The following KIF21A variants were observed in gnomAD, a reference collection of about 807,000 sequenced individuals.
The protein encoded by KIF21A is kinesin family member 21A.
KIF21A carries 114 observed loss-of-function variants against 202.9 expected under a neutral mutation model. The observed-to-expected ratio is 0.56, with a 90% confidence interval of 0.48 to 0.66. The LOEUF (loss-of-function observed/expected upper bound fraction) is 0.66. Among genes scored for constraint, KIF21A ranks in the 30% least tolerant of loss-of-function variants. The probability of loss-of-function intolerance (pLI) is 0.00; values close to 1 mark genes in which losing one functional copy is unlikely to be tolerated. For missense variants in KIF21A, 1,677 were observed against 1,994.9 expected (o/e 0.84, Z 3.04); for synonymous variants, 667 against 670.8 (o/e 0.99, Z 0.09).
At chr12:39,366,919 A>G (rs997434152) in intron 5 of KIF21A, 111 bp downstream of exon 5, 3 of 1,060,142 alleles carry the variant, frequency 2.8e-6, no homozygotes, top group Non-Finnish European at 4.3e-6. Flanking sequence ...GGAAATTAGA[A>G]AAAGGAATGA....
chr12:39,360,820 A>G (rs1409711041), intron 7 of KIF21A, among the ~76,000 whole-genome samples: 2 of 152,258 alleles, frequency 1.3e-5, no homozygotes, highest in African/African-American at 4.8e-5. Flanking sequence ...TTTAAAAGAC[A>G]CTAAATTATG....
At chr12:39,366,130 T>C (rs1377171820) in intron 6 of KIF21A, among the ~76,000 whole-genome samples, 1 of 152,218 alleles carries the variant, frequency 6.6e-6, no homozygotes, top group Non-Finnish European at 1.5e-5. Flanking sequence ...TTAGTACGAC[T>C]AAATTTATAC....
intron 6 of KIF21A, among the ~76,000 whole-genome samples, chr12:39,364,492 C>T (rs1949467728): frequency 6.6e-6 from 1 of 152,238 alleles, no homozygotes; most frequent in African/African-American, 2.4e-5. Flanking sequence ...ATACAACATT[C>T]ACCCACATGT....
intron 1 of KIF21A, among the ~76,000 whole-genome samples, chr12:39,404,328 C>T (rs1337889884): frequency 6.6e-6 from 1 of 152,142 alleles, no homozygotes; most frequent in Non-Finnish European, 1.5e-5. Context: ...ACTACCTTTT[C>T]CAACTGACCT....
intron 1 of KIF21A, among the ~76,000 whole-genome samples, chr12:39,435,487 T>G (rs1051677255): frequency 2.0e-5 from 3 of 152,028 alleles, no homozygotes; most frequent in East Asian, 1.9e-4. Flanking sequence ...AGGATGCTTT[T>G]GGGGTGACAG....
At chr12:39,402,589 G>T (rs1289816053) in intron 1 of KIF21A, among the ~76,000 whole-genome samples, 3 of 152,006 alleles carry the variant, frequency 2.0e-5, no homozygotes, top group Non-Finnish European at 4.4e-5. Flanking sequence ...AATAAGAGGA[G>T]CCCCTTTCTC....
intron 28 of KIF21A, among the ~76,000 whole-genome samples, chr12:39,319,264 G>C (rs1944935762): frequency 6.6e-6 from 1 of 152,184 alleles, no homozygotes; most frequent in Non-Finnish European, 1.5e-5. Flanking sequence ...AACTGAGGGA[G>C]GGGTGGCAGG....
rs1478935702 is a variant in KIF21A at position 39,442,912 on chromosome 12, G to C, written c.44+15C>G. On this transcript the variant is annotated intron_variant, in intron 1 of 37. Coordinates refer to ENST00000361418, the MANE Select transcript of KIF21A (RefSeq NM_001173464.2). This position sits in a 1 kb window ranked among gnomAD's most constrained non-coding sequence, Gnocchi z 5.0. ...ACCCGCCGCCCGCCGCCCGCCGCCG[G>C]CAGACTGTCCTCACCTGACAGCCAC... 1 of 1,523,948 alleles carries C rather than the reference G, an allele frequency of 6.6e-7. No homozygotes were observed. Among genetic ancestry groups the C allele is most frequent in the Non-Finnish European group, 8.8e-7 (1 of 1,142,426 alleles). The allele number at this position is 1,523,948 out of a possible 1,614,324, so 94.4% of individuals were successfully genotyped here. A position where few individuals can be genotyped will look rare whatever the true frequency, so the allele number is the denominator to read the frequency against.
At chr12:39,417,877 C>A (rs1953905734) in intron 1 of KIF21A, among the ~76,000 whole-genome samples, 1 of 151,974 alleles carries the variant, frequency 6.6e-6, no homozygotes, top group South Asian at 2.1e-4. Context: ...CCAATTTGGT[C>A]CAACTTCTGG....
rs1007598201 is a variant in KIF21A at position 39,357,449 on chromosome 12, AAAT to A, written c.1216-15_1216-13del. 6.2e-7 allele frequency: 1 copy of A among 1,608,764 alleles called. No homozygotes were observed. The highest frequency in any genetic ancestry group is 1.3e-5 in the African/African-American group (1 of 74,830). ...ATTATTCTTTTACCCTAGTAAAGGA[AAAT>A]AATGTCCTTGTTGGTTGAGGAGCCT... On this transcript the variant is annotated splice_polypyrimidine_tract_variant and intron_variant, in intron 8 of 37. Transcript: ENST00000361418.
rs1946569026 is a variant in KIF21A, at chr12:39,332,229, C to T, written c.3036G>A (p.Gln1012=). The change falls in exon 21 of 38, where the codon CAG becomes CAA. Residue 1012 remains glutamine, a synonymous_variant. Coordinates refer to ENST00000361418, the MANE Select transcript of KIF21A (RefSeq NM_001173464.2). The part of the protein sequence containing the change: ...SISDCQANIM[Q]MEEAKEEGET... Reference sequence around the variant, plus strand: ...AATTACAAACCTTTGCTTCTTCCATCTGCATTATGTTGGCCTGACAATCAG... The same window carrying T: ...AATTACAAACCTTTGCTTCTTCCATTTGCATTATGTTGGCCTGACAATCAG... 1.2e-6 allele frequency: 2 copies of T among 1,613,774 alleles called. No individual in the cohort carries two copies. The highest frequency in any genetic ancestry group is 1.7e-6 in the Non-Finnish European group (2 of 1,179,860).
chr12:39,296,524 T>C (rs1219022101), intron 37 of KIF21A, among the ~76,000 whole-genome samples: 3 of 151,104 alleles, frequency 2.0e-5, no homozygotes, highest in African/African-American at 7.3e-5. Context: ...GCCACAGGGG[T>C]GGAAAAAAAA....
rs113250430 is a variant in KIF21A at position 39,408,276 on chromosome 12, A to G, written c.44+34651T>C. ...GCATTAGATTCTCAAGAAGCACACA[A>G]CCTAGATCCCTCACATGTGCAGTTC... On this transcript the variant is annotated intron_variant, in intron 1 of 37. Transcript: ENST00000361418. Among the ~76,000 whole-genome samples, 1,271 of 152,022 alleles carry G rather than the reference A, an allele frequency of 8.4e-3. 17 individuals are homozygous for G. The highest frequency in any genetic ancestry group is 0.029 in the African/African-American group (1,195 of 41,474).
intron 1 of KIF21A, among the ~76,000 whole-genome samples, chr12:39,411,291 A>T (rs1427747499): frequency 6.6e-6 from 1 of 152,224 alleles, no homozygotes; most frequent in Non-Finnish European, 1.5e-5. Flanking sequence ...TGCATAGACC[A>T]GAAACAGGAG....
At position 39,332,594 on chromosome 12, in the gene KIF21A, G is replaced by A; in HGVS notation, c.2853C>T (p.Leu951=). The A allele has an allele frequency of 6.2e-7, 1 of 1,609,954 alleles. No homozygotes were observed. The highest frequency in any genetic ancestry group is 1.4e-5 in the African/African-American group (1 of 73,758). The stretch of plus-strand genomic sequence containing the variant: ...ATCTACTCTCTATTTTCCACACCTT[G>A]AGGAGTCTATTCATATCTGCCTCCA... ...SNMEADMNRL[L]KQREELTKRR... is the part of the protein sequence containing the mutation. The change falls in exon 20 of 38, where the codon CTC becomes CTT. Residue 951 remains leucine (L), a synonymous_variant. Transcript: ENST00000361418.
intron 36 of KIF21A, 108 bp from the exon 37 acceptor site, chr12:39,301,787 A>G: frequency 2.1e-6 from 2 of 956,978 alleles, no homozygotes; most frequent in Non-Finnish European, 3.3e-6. Flanking sequence ...GATATTTGGA[A>G]TTGGCTGGAG....
chr12:39,421,849 T>C (rs1268423233), intron 1 of KIF21A, among the ~76,000 whole-genome samples: 2 of 147,510 alleles, frequency 1.4e-5, no homozygotes, highest in Non-Finnish European at 3.0e-5. Context: ...ATTACATATA[T>C]AATTTATATA....
intron 1 of KIF21A, among the ~76,000 whole-genome samples, chr12:39,412,453 A>T (rs1333925662): frequency 6.6e-6 from 1 of 152,200 alleles, no homozygotes; most frequent in Non-Finnish European, 1.5e-5. Flanking sequence ...GTGGTGGCTC[A>T]TGCCTTTCAT....
chr12:39,349,040 C>A (rs1221263711), intron 11 of KIF21A, among the ~76,000 whole-genome samples: 1 of 151,882 alleles, frequency 6.6e-6, no homozygotes, highest in African/African-American at 2.4e-5. Flanking sequence ...GGGAGTACTT[C>A]AGGGTAGGGC....
Sources: allele counts gnomAD v4.1 joint callset (sites outside exome capture counted in the v4.1 genomes callset), GRCh38; gene constraint gnomAD v4.1.1; non-coding constraint Gnocchi (gnomAD v3.1); transcripts MANE v1.5; gene names NCBI Gene and HGNC (gene_info 2026-07-23, HGNC 2026-07-21).